GHR: variants seen among roughly 807,000 people sequenced by gnomAD.
The protein encoded by GHR is GH receptor.
In GHR, 35 loss-of-function variants were observed where a neutral mutation model predicts 67.1. That is an observed-to-expected ratio of 0.52 (90% CI 0.40 to 0.69). GHR has a LOEUF of 0.69. GHR is among the 30% of genes least tolerant of loss of function. The pLI, the probability that GHR is intolerant of heterozygous loss-of-function variation, is 0.00. For missense variants in GHR, 792 were observed against 764.6 expected, an observed-to-expected ratio of 1.04 and a Z score of -0.42; for synonymous variants, 272 against 269.1, an observed-to-expected ratio of 1.01 and a Z score of -0.10.
chr5:42,465,364 G>C, intron 1 of GHR: 2 of 935,526 alleles, frequency 2.1e-6, no homozygotes, highest in South Asian at 2.9e-5. Flanking sequence ...GTAAGAGAAA[G>C]TTAGGTTAAG....
At chr5:42,456,225 C>T (rs536767254) in intron 1 of GHR, among the ~76,000 whole-genome samples, 3 of 152,182 alleles carry the variant, frequency 2.0e-5, no homozygotes, top group Non-Finnish European at 4.4e-5. Flanking sequence ...GCAGGAGAAT[C>T]GCTTGAACCT....
intron 1 of GHR, among the ~76,000 whole-genome samples, chr5:42,519,951 G>T (rs532526081): frequency 1.3e-5 from 2 of 152,294 alleles, no homozygotes; most frequent in South Asian, 4.1e-4. Flanking sequence ...CATGTATTCA[G>T]TGAGTATCAC....
chr5:42,433,718 A>G (rs1367257429), intron 1 of GHR, among the ~76,000 whole-genome samples: 2 of 148,536 alleles, frequency 1.3e-5, no homozygotes, highest in African/African-American at 5.0e-5. Context: ...CTGAGCCAGT[A>G]CTTAAGATAT....
intron 2 of GHR, among the ~76,000 whole-genome samples, chr5:42,612,983 A>C (rs1752961820): frequency 1.3e-5 from 2 of 152,116 alleles, no homozygotes; most frequent in Non-Finnish European, 2.9e-5. Context: ...TCACTTACTC[A>C]TAAAATGCTG....
chr5:42,501,231 T>C (rs1219122770), intron 1 of GHR, among the ~76,000 whole-genome samples: 2 of 152,154 alleles, frequency 1.3e-5, no homozygotes, highest in Admixed American at 1.3e-4. Flanking sequence ...ATTGCTCCGG[T>C]AGGTTCAATC....
At chr5:42,523,381 G>T (rs753919509) in intron 1 of GHR, among the ~76,000 whole-genome samples, 1 of 152,092 alleles carries the variant, frequency 6.6e-6, no homozygotes, top group Non-Finnish European at 1.5e-5. Flanking sequence ...AAGTCTTCTG[G>T]CTCCATTTTT....
intron 2 of GHR, among the ~76,000 whole-genome samples, chr5:42,588,424 G>C (rs939511226): frequency 4.7e-5 from 7 of 149,422 alleles, no homozygotes; most frequent in Non-Finnish European, 1.0e-4. Context: ...GGAGACTGAA[G>C]CAGGAGAATC....
At chr5:42,497,975 T>G (rs140454994) in intron 1 of GHR, among the ~76,000 whole-genome samples, 153 of 152,322 alleles carry the variant, frequency 1.0e-3, no homozygotes, top group Non-Finnish European at 1.9e-3. Context: ...CCTCTTCACT[T>G]TTCCATTTTG....
At chr5:42,534,471 T>A (rs557235373) in intron 1 of GHR, among the ~76,000 whole-genome samples, 9 of 140,894 alleles carry the variant, frequency 6.4e-5, no homozygotes, top group Admixed American at 4.2e-4. Context: ...TATATGTACA[T>A]ATGTATATGT....
At chr5:42,584,645 A>G (rs1751375440) in intron 2 of GHR, among the ~76,000 whole-genome samples, 1 of 152,066 alleles carries the variant, frequency 6.6e-6, no homozygotes, top group Admixed American at 6.5e-5. Context: ...ATGGTAAGTG[A>G]TGTGTTATAA....
chr5:42,574,015 C>A (rs1750488728), intron 2 of GHR, among the ~76,000 whole-genome samples: 1 of 152,122 alleles, frequency 6.6e-6, no homozygotes, highest in Non-Finnish European at 1.5e-5. Flanking sequence ...CTTGGCTCTC[C>A]CAAAAAATGA....
chr5:42,602,254 G>A (rs778092539), intron 2 of GHR, among the ~76,000 whole-genome samples: 5 of 152,024 alleles, frequency 3.3e-5, no homozygotes, highest in Admixed American at 2.0e-4. Context: ...TCTGCTGTAC[G>A]TCAGATTCCT....
chr5:42,695,646 A>G (rs564469648), intron 5 of GHR, among the ~76,000 whole-genome samples: 99 of 152,362 alleles, frequency 6.5e-4, no homozygotes, highest in African/African-American at 2.3e-3. Flanking sequence ...ACTAAGTGAA[A>G]GATCCAAACA....
chr5:42,488,753 C>T (rs1255674174), intron 1 of GHR, among the ~76,000 whole-genome samples: 1 of 152,180 alleles, frequency 6.6e-6, no homozygotes, highest in African/African-American at 2.4e-5. Flanking sequence ...TTGAGCCAAG[C>T]ACATACATAC....
intron 1 of GHR, among the ~76,000 whole-genome samples, chr5:42,498,076 G>A (rs775286605): frequency 1.3e-5 from 2 of 152,168 alleles, no homozygotes; most frequent in South Asian, 2.1e-4. Flanking sequence ...CTTTATCTCA[G>A]ATATTCTTAG....
intron 2 of GHR, among the ~76,000 whole-genome samples, chr5:42,583,367 C>T (rs1413224361): frequency 2.2e-5 from 3 of 138,844 alleles, no homozygotes; most frequent in Non-Finnish European, 4.7e-5. Context: ...CCCTTGCACC[C>T]CCATTACTTT....
chr5:42,425,763 T>C (rs1176187949), intron 1 of GHR, among the ~76,000 whole-genome samples: 1 of 152,222 alleles, frequency 6.6e-6, no homozygotes, highest in African/African-American at 2.4e-5. Flanking sequence ...CTTCCACCCT[T>C]ATAAACTTTT....
At chr5:42,430,999 C>A (rs147938018) in intron 1 of GHR, among the ~76,000 whole-genome samples, 1 of 152,128 alleles carries the variant, frequency 6.6e-6, no homozygotes, top group African/African-American at 2.4e-5. Context: ...AACTATTTAA[C>A]CTTCCTGGGC....
At chr5:42,558,460 A>T (rs1186403126) in intron 1 of GHR, among the ~76,000 whole-genome samples, 1 of 152,248 alleles carries the variant, frequency 6.6e-6, no homozygotes, top group Non-Finnish European at 1.5e-5. Context: ...AATAAAATGC[A>T]AGCCACATAT....
Sources: gnomAD v4.1 joint callset for allele counts (sites outside exome capture counted in the v4.1 genomes callset) on GRCh38, gnomAD v4.1.1 for gene constraint, MANE v1.5 for transcripts, NCBI Gene and HGNC (gene_info 2026-07-23, HGNC 2026-07-21) for gene names.